Variants in DLG1 observed in about 807,000 individuals in gnomAD.
The protein encoded by DLG1 is disks large homolog 1.
In DLG1, 42 loss-of-function variants were observed where a neutral mutation model predicts 123.4. The ratio of observed to expected loss-of-function variants is 0.34; its 90% CI spans 0.27 to 0.44. The LOEUF (loss-of-function observed/expected upper bound fraction) is 0.44, where lower values mean the gene tolerates loss of function less well. Ranked by LOEUF, DLG1 falls within the 20% of genes least tolerant of loss-of-function variation. The pLI is 1.00. For missense variants in DLG1, 942 were observed against 1,082.6 expected, an observed-to-expected ratio of 0.87 and a Z score of 1.82; for synonymous variants, 317 against 356.2, an observed-to-expected ratio of 0.89 and a Z score of 1.24.
At chr3:197,097,726 G>A (rs891885186) in intron 14 of DLG1, among the ~76,000 whole-genome samples, 15 of 151,604 alleles carry the variant, frequency 9.9e-5, no homozygotes, top group Admixed American at 9.2e-4. Flanking sequence ...GATTACAGGC[G>A]TGCACCACCA....
intron 14 of DLG1, among the ~76,000 whole-genome samples, chr3:197,101,071 T>C (rs1346312640): frequency 6.6e-6 from 1 of 152,238 alleles, no homozygotes; most frequent in Admixed American, 6.5e-5. Context: ...TGCATCCATA[T>C]ACAAGAAACT....
At position 197,208,308 on chromosome 3, in the gene DLG1, A is replaced by G. The variant is rs539628969; in HGVS notation, c.319-13719T>C. Among the ~76,000 whole-genome samples the G allele has an allele frequency of 1.4e-4, 21 of 146,808 alleles. 4 individuals carry two copies. In the South Asian group the frequency reaches 4.6e-3, roughly 32 times the overall value. On this transcript the variant is annotated intron_variant, in intron 4 of 24. Transcript: ENST00000667157. ...CAGGCACTTTCATACGAATCTGTGG[A>G]GTGTACACTGGTACTACCTCTATAA...
chr3:197,148,411 GA>G (rs780479244), intron 6 of DLG1, among the ~76,000 whole-genome samples: 3,562 of 42,940 alleles, frequency 0.083, 31 homozygotes, highest in Non-Finnish European at 0.12. Context: ...ACTGTCTCAA[GA>G]AAAAAAAAAA....
chr3:197,296,259 T>A (rs1777307398), intron 3 of DLG1, 87 bp downstream of exon 3: 1 of 1,296,704 alleles, frequency 7.7e-7, no homozygotes, highest in Non-Finnish European at 1.1e-6. Context: ...GAGAATTAAG[T>A]ACATCATTTT....
intron 3 of DLG1, among the ~76,000 whole-genome samples, chr3:197,295,201 T>C (rs937682715): frequency 1.3e-5 from 2 of 152,166 alleles, no homozygotes; most frequent in East Asian, 3.8e-4. Flanking sequence ...CTTATGTTTT[T>C]AAAAGTCTAT....
At chr3:197,089,037 G>A (rs1368786050) in intron 15 of DLG1, among the ~76,000 whole-genome samples, 5 of 152,126 alleles carry the variant, frequency 3.3e-5, no homozygotes, top group Non-Finnish European at 7.4e-5. Flanking sequence ...AGACTAATGC[G>A]CAAAACTGGT....
intron 5 of DLG1, among the ~76,000 whole-genome samples, chr3:197,179,797 A>C (rs1809137801): frequency 1.3e-5 from 2 of 152,132 alleles, no homozygotes; most frequent in Non-Finnish European, 2.9e-5. Flanking sequence ...ATAACTCAGA[A>C]GGCATCTGTT....
At chr3:197,062,402 G>A (rs528246485) in intron 22 of DLG1, among the ~76,000 whole-genome samples, 2 of 152,252 alleles carry the variant, frequency 1.3e-5, no homozygotes, top group South Asian at 4.1e-4. Context: ...CTGAAAAGTT[G>A]AACCATTCTA....
intron 13 of DLG1, among the ~76,000 whole-genome samples, chr3:197,110,695 A>G (rs541293640): frequency 4.0e-4 from 61 of 152,336 alleles, no homozygotes; most frequent in African/African-American, 1.2e-3. Flanking sequence ...TTAATGTTAT[A>G]AAGTCCGTAT....
At chr3:197,097,662 C>T (rs1044270292) in intron 14 of DLG1, among the ~76,000 whole-genome samples, 1 of 148,728 alleles carries the variant, frequency 6.7e-6, no homozygotes, top group African/African-American at 2.5e-5. Context: ...CTCACTGCAA[C>T]CTCTGCCTCC....
intron 14 of DLG1, among the ~76,000 whole-genome samples, chr3:197,092,731 G>A (rs921363596): frequency 6.6e-6 from 1 of 152,136 alleles, no homozygotes; most frequent in Admixed American, 6.5e-5. Context: ...TTGAACTCCT[G>A]GCCTCAAGCA....
intron 19 of DLG1, 23 bp from the exon 20 acceptor site, chr3:197,066,777 A>G (rs754749974): frequency 6.6e-7 from 1 of 1,520,468 alleles, no homozygotes; most frequent in Non-Finnish European, 9.1e-7. Context: ...GAAGGCACAG[A>G]TGAAAAATGT....
chr3:197,245,955 C>T (rs1751535308), intron 4 of DLG1, among the ~76,000 whole-genome samples: 1 of 144,246 alleles, frequency 6.9e-6, no homozygotes, highest in Non-Finnish European at 1.5e-5. Flanking sequence ...GATTAATTAA[C>T]TGTGGACAAG....
chr3:197,267,185 C>G lies in DLG1; in HGVS notation c.318+15494G>C, dbSNP rs112231201. On this transcript the variant is annotated intron_variant, in intron 4 of 24. Transcript: ENST00000667157. ...ATTTATAATATTCACTACAGTTTCT[C>G]CATGATTAAAATATTTTTTTAAAAA... Among the ~76,000 whole-genome samples, 1,317 of 152,122 alleles carry G rather than the reference C, an allele frequency of 8.7e-3. 14 individuals carry two copies. The highest frequency in any genetic ancestry group is 0.029 in the African/African-American group (1,188 of 41,490).
chr3:197,146,965 T>C (rs1213190849), intron 6 of DLG1, among the ~76,000 whole-genome samples: 1 of 151,824 alleles, frequency 6.6e-6, no homozygotes, highest in Non-Finnish European at 1.5e-5. Flanking sequence ...AAAAACAATC[T>C]CATCCAAAAG....
At position 197,273,236 on chromosome 3, in the gene DLG1, TTTTC is replaced by T. The variant is rs1292218000; in HGVS notation, c.318+9439_318+9442del. On this transcript the variant is annotated intron_variant, in intron 4 of 24. Transcript: ENST00000667157. ...TATGTGTGTGTATATATATATATTT[TTTTC>T]TTTATTTTTATTTTTATTTTTTTTT... Among the ~76,000 whole-genome samples, 443 of 137,982 alleles carry T rather than the reference TTTTC, an allele frequency of 3.2e-3. 1 individual carries two copies. Among genetic ancestry groups the T allele is most frequent in the African/African-American group, 0.012 (414 of 34,558 alleles). 90.5% of individuals were successfully genotyped at this position (137,982 alleles called of 152,430 possible). A position where few individuals can be genotyped will look rare whatever the true frequency, so the allele number is the denominator to read the frequency against.
chr3:197,239,993 T>G (rs928506649), intron 4 of DLG1, among the ~76,000 whole-genome samples: 2 of 152,068 alleles, frequency 1.3e-5, no homozygotes, highest in African/African-American at 2.4e-5. Context: ...GACTGAGATA[T>G]AACTCATGCT....
At position 197,184,578 on chromosome 3, in the gene DLG1, A is replaced by C. The variant is rs1714650042; in HGVS notation, c.483+9847T>G. On this transcript the variant is annotated intron_variant, in intron 5 of 24. Coordinates refer to ENST00000667157, the MANE Select transcript of DLG1 (RefSeq NM_001366207.1). Reference sequence around the variant, plus strand: ...TGTAATGTATTGGTTTTTAATGATTAACAACTGGGTCTCAAGGTAGATTAA... The same window carrying C: ...TGTAATGTATTGGTTTTTAATGATTCACAACTGGGTCTCAAGGTAGATTAA... 2.0e-5 allele frequency among the ~76,000 whole-genome samples: 3 copies of C among 152,214 alleles called. 1 individual carries two copies. In the South Asian group the frequency reaches 6.2e-4, roughly 31 times the overall value.
At chr3:197,045,824 A>T (rs1722641234) in intron 24 of DLG1, among the ~76,000 whole-genome samples, 1 of 152,200 alleles carries the variant, frequency 6.6e-6, no homozygotes, top group South Asian at 2.1e-4. Flanking sequence ...AACTACAAAA[A>T]AATGCCCAGT....
Sources: gnomAD v4.1 joint callset for allele counts (sites outside exome capture counted in the v4.1 genomes callset) on GRCh38, gnomAD v4.1.1 for gene constraint, MANE v1.5 for transcripts, NCBI Gene and HGNC (gene_info 2026-07-23, HGNC 2026-07-21) for gene names.